CDK17: variants seen among roughly 807,000 people sequenced by gnomAD.
CDK17 encodes cyclin dependent kinase 17.
In CDK17, 24 loss-of-function variants were observed where a neutral mutation model predicts 77.6. The ratio of observed to expected loss-of-function variants is 0.31; its 90% confidence interval spans 0.22 to 0.44. The LOEUF (loss-of-function observed/expected upper bound fraction) is 0.44. Ranked by LOEUF, CDK17 falls within the 20% of genes least tolerant of loss-of-function variation. CDK17 has a pLI of 1.00. For synonymous variants in CDK17, 203 were observed against 210.4 expected (o/e 0.96, Z 0.30); for missense variants, 429 against 622.5 (o/e 0.69, Z 3.31).
chr12:96,286,026 A>G lies in CDK17; in HGVS notation c.1322+17T>C, dbSNP rs771474284. On this transcript the variant is annotated intron_variant, in intron 13 of 16. Transcript: ENST00000261211. ...AATCATGTGTTTTCCCCCCTTTCAC[A>G]TAAGAAAAAAAAATACCTGGGTGCG... is the stretch of plus-strand genomic sequence containing the variant. 4.6e-6 allele frequency: 6 copies of G among 1,310,336 alleles called. No individual in the cohort carries two copies. Among genetic ancestry groups the G allele is most frequent in the Admixed American group, 3.5e-5 (2 of 57,628 alleles). The allele number at this position is 1,310,336 out of a possible 1,614,324, so 81.2% of individuals were successfully genotyped here. A position where few individuals can be genotyped will look rare whatever the true frequency, so the allele number is the denominator to read the frequency against.
intron 1 of CDK17, among the ~76,000 whole-genome samples, chr12:96,362,969 G>C (rs529008040): frequency 6.6e-6 from 1 of 152,092 alleles, no homozygotes. Flanking sequence ...AAGGTACAGT[G>C]ATGAAAGAAG....
chr12:96,300,509 G>T, intron 5 of CDK17, 149 bp from the exon 6 acceptor site: 3 of 550,144 alleles, frequency 5.5e-6, no homozygotes, highest in Non-Finnish European at 6.4e-6. Flanking sequence ...TGATTCTCCT[G>T]CCTCAGCCTC....
At chr12:96,309,203 A>G (rs1335706815) in intron 5 of CDK17, among the ~76,000 whole-genome samples, 1 of 151,922 alleles carries the variant, frequency 6.6e-6, no homozygotes, top group Admixed American at 6.6e-5. Flanking sequence ...CTGATTTCCC[A>G]AACATGACAT....
chr12:96,288,713 G>A (rs2137070158), intron 11 of CDK17, among the ~76,000 whole-genome samples: 1 of 152,316 alleles, frequency 6.6e-6, no homozygotes, highest in Admixed American at 6.5e-5. Context: ...GTGTGAGAAA[G>A]ATGACTACAA....
At chr12:96,358,928 T>C (rs909355644) in intron 1 of CDK17, among the ~76,000 whole-genome samples, 1 of 142,446 alleles carries the variant, frequency 7.0e-6, no homozygotes, top group Non-Finnish European at 1.5e-5. Context: ...TGCCACTAGG[T>C]AACCGTATAT....
rs1952148099 is a variant in CDK17, at chr12:96,279,662, C to A, written c.*580G>T. 1 of 152,508 alleles carries A rather than the reference C, an allele frequency of 6.6e-6. No individual in the cohort carries two copies. The highest frequency in any genetic ancestry group is 1.5e-5 in the Non-Finnish European group (1 of 68,030). The allele number at this position is 152,508 out of a possible 1,614,324, so 9.4% of individuals were successfully genotyped here. ...ATCTAAACGTAATGTGCTTGTCAATCTCTTAGCTACTCTATTTGCCAATGT... is the reference window on the plus strand; with the variant it reads ...ATCTAAACGTAATGTGCTTGTCAATATCTTAGCTACTCTATTTGCCAATGT... On this transcript the variant is annotated 3_prime_UTR_variant, in exon 17 of 17. Transcript: ENST00000261211.
At position 96,320,407 on chromosome 12, in the gene CDK17, C is replaced by T. The variant is rs1170887507; in HGVS notation, c.283+3541G>A. Among the ~76,000 whole-genome samples the T allele has an allele frequency of 1.2e-4, 18 of 148,724 alleles. 1 individual carries two copies. In the Admixed American group the frequency reaches 1.2e-3, roughly 10 times the overall value. On this transcript the variant is annotated intron_variant, in intron 3 of 16. Coordinates refer to ENST00000261211, the MANE Select transcript of CDK17 (RefSeq NM_002595.5). ...CCAAGGTAATTTACAGATTCAATGCCATCCCCATCAAGCTACCAATGACTT... is the reference window on the plus strand; with the variant it reads ...CCAAGGTAATTTACAGATTCAATGCTATCCCCATCAAGCTACCAATGACTT...
At chr12:96,335,756 A>G (rs945671173) in intron 1 of CDK17, among the ~76,000 whole-genome samples, 2 of 152,236 alleles carry the variant, frequency 1.3e-5, no homozygotes, top group Non-Finnish European at 2.9e-5. Context: ...AATTAATGGT[A>G]TAATTCATAG....
chr12:96,377,716 T>C (rs900589987), intron 1 of CDK17, among the ~76,000 whole-genome samples: 10 of 135,046 alleles, frequency 7.4e-5, no homozygotes, highest in African/African-American at 8.5e-5. Context: ...TTTTTTGAGA[T>C]GGAGTCTCGC....
intron 2 of CDK17, among the ~76,000 whole-genome samples, chr12:96,331,092 G>A (rs772545805): frequency 5.3e-5 from 8 of 152,096 alleles, no homozygotes; most frequent in Non-Finnish European, 1.0e-4. Flanking sequence ...ACAGGCGTGC[G>A]CCACCACATT....
At chr12:96,362,114 G>A (rs953176536) in intron 1 of CDK17, among the ~76,000 whole-genome samples, 1 of 152,138 alleles carries the variant, frequency 6.6e-6, no homozygotes, top group Non-Finnish European at 1.5e-5. Flanking sequence ...AAGAAAAAAT[G>A]CTGGAAATTA....
chr12:96,362,637 T>C (rs988911106), intron 1 of CDK17, among the ~76,000 whole-genome samples: 22 of 152,236 alleles, frequency 1.4e-4, no homozygotes, highest in African/African-American at 5.3e-4. Context: ...TTAGGCTTTG[T>C]GGGCTATATA....
intron 1 of CDK17, among the ~76,000 whole-genome samples, chr12:96,361,018 G>C (rs1041276574): frequency 2.0e-5 from 3 of 152,214 alleles, no homozygotes; most frequent in Non-Finnish European, 4.4e-5. Flanking sequence ...AGAGCTGAGA[G>C]GAACAAAGGG....
chr12:96,324,726 C>T (rs942298246), intron 2 of CDK17, among the ~76,000 whole-genome samples: 2 of 151,648 alleles, frequency 1.3e-5, no homozygotes, highest in Non-Finnish European at 2.9e-5. Context: ...AAGATCACGC[C>T]ACTGCACTCC....
At chr12:96,318,816 T>C (rs1325585416) in intron 3 of CDK17, among the ~76,000 whole-genome samples, 61 of 104,794 alleles carry the variant, frequency 5.8e-4, no homozygotes, top group African/African-American at 2.3e-3. Context: ...AGAGGGAAAT[T>C]TATAGCACTA....
chr12:96,296,424 T>C (rs944114564), intron 9 of CDK17, among the ~76,000 whole-genome samples: 48 of 152,230 alleles, frequency 3.2e-4, no homozygotes, highest in Non-Finnish European at 3.7e-4. Context: ...GTGTTATCCA[T>C]ATGTTCTGAG....
At chr12:96,337,473 T>G (rs905130927) in intron 1 of CDK17, among the ~76,000 whole-genome samples, 6 of 152,206 alleles carry the variant, frequency 3.9e-5, no homozygotes, top group Admixed American at 2.6e-4. Flanking sequence ...TTTCTAGTTT[T>G]CAGCAGTTTT....
chr12:96,385,535 A>G lies in CDK17; in HGVS notation c.-30+14451T>C, dbSNP rs187085812. Reference sequence around the variant, plus strand: ...TAAAAGTTGAAATTATTTTTAAAACAAAATAATGAAAAATGAGAAGTAATA... The same window carrying G: ...TAAAAGTTGAAATTATTTTTAAAACGAAATAATGAAAAATGAGAAGTAATA... On this transcript the variant is annotated intron_variant, in intron 1 of 16. Coordinates refer to ENST00000261211, the MANE Select transcript of CDK17 (RefSeq NM_002595.5). 9.8e-4 allele frequency among the ~76,000 whole-genome samples: 149 copies of G among 152,350 alleles called. 3 individuals are homozygous for G. The highest frequency in any genetic ancestry group is 9.7e-3 in the Admixed American group (149 of 15,306).
intron 2 of CDK17, among the ~76,000 whole-genome samples, chr12:96,324,822 C>T (rs532255349): frequency 4.2e-4 from 64 of 152,032 alleles, no homozygotes; most frequent in Middle Eastern, 3.4e-3. Context: ...GACATGGTCC[C>T]GGCCTAAAGG....
Sources: gnomAD v4.1 joint callset for allele counts (sites outside exome capture counted in the v4.1 genomes callset) on GRCh38, gnomAD v4.1.1 for gene constraint, MANE v1.5 for transcripts, NCBI Gene and HGNC (gene_info 2026-07-23, HGNC 2026-07-21) for gene names.